Variants in LMCD1 observed in about 807,000 individuals in gnomAD.
LMCD1 encodes the protein LIM and cysteine rich domains 1, also known as LIM and cysteine-rich domains protein 1.
Under a neutral mutation model 42.7 loss-of-function variants are expected in LMCD1, and 32 were observed. That is an observed-to-expected ratio of 0.75 (90% CI 0.57 to 1.01). LMCD1 has a LOEUF of 1.01. Among genes scored for constraint, LMCD1 ranks in the 50% least tolerant of loss-of-function variants. The pLI is 0.00. For missense variants in LMCD1, 458 were observed against 483.1 expected (o/e 0.95, Z 0.49); for synonymous variants, 178 against 184.9 (o/e 0.96, Z 0.30).
chr3:8,550,488 C>G (rs1463591064), intron 4 of LMCD1: 3 of 985,052 alleles, frequency 3.0e-6, no homozygotes, highest in African/African-American at 1.8e-5. Flanking sequence ...GTCACTCAAG[C>G]TAATCATCCA....
rs1695250487 is a variant in LMCD1 at position 8,573,371 on chromosome 3, A to AT, written c.*5779dup. On this transcript the variant is annotated 3_prime_UTR_variant, in exon 6 of 6. Transcript: ENST00000157600. ...AACATATCCATTACCTCACATAGTT[A>AT]TTTTTTGTGGTGAGAACATTTTAAA... 1 of 152,178 alleles carries AT rather than the reference A, an allele frequency of 6.6e-6. No individual in the cohort carries two copies. The highest frequency in any genetic ancestry group is 6.5e-5 in the Admixed American group (1 of 15,280). 9.4% of individuals were successfully genotyped at this position (152,178 alleles called of 1,614,324 possible).
chr3:8,566,563 T>C (rs1032976835), intron 5 of LMCD1, among the ~76,000 whole-genome samples: 2 of 152,210 alleles, frequency 1.3e-5, no homozygotes, highest in African/African-American at 4.8e-5. Flanking sequence ...GACAACAGTA[T>C]ATGCACAATA....
intron 1 of LMCD1, among the ~76,000 whole-genome samples, chr3:8,519,121 C>CT (rs1694153318): frequency 6.6e-6 from 1 of 152,172 alleles, no homozygotes; most frequent in African/African-American, 2.4e-5. Flanking sequence ...TAAAGTGACC[C>CT]TGCCCTCATG....
chr3:8,565,613 A>G lies in LMCD1; in HGVS notation c.905A>G (p.Glu302Gly). Residue 302 changes from glutamate to glycine, a missense_variant, in exon 5 of 6, where the codon GAG becomes GGG. Physicochemically the swap from Glu to Gly is moderately conservative, Grantham distance 98 (BLOSUM62 -2). Coordinates refer to ENST00000157600, the MANE Select transcript of LMCD1 (RefSeq NM_014583.4). ...GAPWCGRHYC[E>G]SLRPRCSGCD... The stretch of plus-strand genomic sequence containing the variant: ...CCCTGGTGCGGCCGCCATTACTGCG[A>G]GAGTCTGCGGCCCCGGTGCTCCGGC... 1 of 1,611,418 alleles carries G rather than the reference A, an allele frequency of 6.2e-7. No homozygotes were observed. The highest frequency in any genetic ancestry group is 8.5e-7 in the Non-Finnish European group (1 of 1,179,024).
Position 8,568,026 on chromosome 3 carries a change from T to C in LMCD1, c.*428T>C, listed in dbSNP as rs1450483872. On this transcript the variant is annotated 3_prime_UTR_variant, in exon 6 of 6. Coordinates refer to ENST00000157600, the MANE Select transcript of LMCD1 (RefSeq NM_014583.4). The stretch of plus-strand genomic sequence containing the variant: ...CAGGAGCAGGCTGGGATCCCAACTA[T>C]CGCTTGTTGCCTCTTTTTCAAGTGG... 1 of 153,528 alleles carries C rather than the reference T, an allele frequency of 6.5e-6. No individual in the cohort carries two copies. The highest frequency in any genetic ancestry group is 1.4e-5 in the Non-Finnish European group (1 of 69,046). 9.5% of individuals were successfully genotyped at this position (153,528 alleles called of 1,614,324 possible). A position where few individuals can be genotyped will look rare whatever the true frequency, so the allele number is the denominator to read the frequency against.
At chr3:8,512,366 A>G (rs17049231) in intron 1 of LMCD1, among the ~76,000 whole-genome samples, 5,171 of 152,316 alleles carry the variant, frequency 0.034, 145 homozygotes, top group South Asian at 0.13. Context: ...AATGAAACAC[A>G]TATGGCTTGG....
chr3:8,561,376 A>C (rs1233730242), intron 4 of LMCD1, among the ~76,000 whole-genome samples: 1 of 136,974 alleles, frequency 7.3e-6, no homozygotes, highest in African/African-American at 3.0e-5. Context: ...ATAATTGAGC[A>C]CAGAGTTTTT....
At position 8,571,381 on chromosome 3, in the gene LMCD1, T is replaced by C. The variant is rs1211633252; in HGVS notation, c.*3783T>C. ...TTGCTGATGGCACTGTGTTCCAAAA[T>C]GGCCAAGGTCAAATATAAAAATTTC... is the stretch of plus-strand genomic sequence containing the variant. On this transcript the variant is annotated 3_prime_UTR_variant, in exon 6 of 6. Coordinates refer to ENST00000157600, the MANE Select transcript of LMCD1 (RefSeq NM_014583.4). 1.3e-5 allele frequency: 2 copies of C among 152,214 alleles called. No homozygotes were observed. Among genetic ancestry groups the C allele is most frequent in the African/African-American group, 4.8e-5 (2 of 41,456 alleles). 9.4% of individuals were successfully genotyped at this position (152,214 alleles called of 1,614,324 possible).
intron 1 of LMCD1, among the ~76,000 whole-genome samples, chr3:8,529,755 G>T (rs1694376024): frequency 6.6e-6 from 1 of 152,142 alleles, no homozygotes; most frequent in African/African-American, 2.4e-5. Flanking sequence ...TAGTTCCTCT[G>T]AAGTCCCCTA....
chr3:8,549,350 G>A (rs1195726391), intron 4 of LMCD1, among the ~76,000 whole-genome samples: 1 of 152,146 alleles, frequency 6.6e-6, no homozygotes. Flanking sequence ...ATTAAAAGAA[G>A]TCCCACGTGA....
chr3:8,506,139 G>A (rs555890311), intron 1 of LMCD1, among the ~76,000 whole-genome samples: 6 of 152,176 alleles, frequency 3.9e-5, no homozygotes, highest in Non-Finnish European at 7.3e-5. Flanking sequence ...CTGACTATGC[G>A]GAGTTGGGGG....
chr3:8,552,304 C>T (rs1694854931), intron 4 of LMCD1, among the ~76,000 whole-genome samples: 1 of 152,188 alleles, frequency 6.6e-6, no homozygotes, highest in East Asian at 1.9e-4. Flanking sequence ...TTTCCCAAAG[C>T]TTATTCCTGG....
chr3:8,511,468 A>G (rs1693998517), intron 1 of LMCD1, among the ~76,000 whole-genome samples: 1 of 152,244 alleles, frequency 6.6e-6, no homozygotes, highest in Non-Finnish European at 1.5e-5. Flanking sequence ...CAGTGCCTAA[A>G]GACCTTGATC....
chr3:8,502,643 G>A (rs1205878575), intron 1 of LMCD1, among the ~76,000 whole-genome samples: 3 of 150,030 alleles, frequency 2.0e-5, no homozygotes, highest in African/African-American at 7.4e-5. Context: ...GTTGGCAGTG[G>A]CAGCAGTTCC....
chr3:8,537,595 T>A, intron 3 of LMCD1, 155 bp downstream of exon 3: 1 of 799,576 alleles, frequency 1.3e-6, no homozygotes, highest in Non-Finnish European at 1.9e-6. Flanking sequence ...TTATATCATG[T>A]GATGTTGAGA....
intron 4 of LMCD1, among the ~76,000 whole-genome samples, chr3:8,549,220 G>A (rs938066167): frequency 6.6e-6 from 1 of 152,164 alleles, no homozygotes; most frequent in Non-Finnish European, 1.5e-5. Context: ...GCTGGTCTAC[G>A]AAGAATGTCT....
intron 1 of LMCD1, among the ~76,000 whole-genome samples, chr3:8,528,270 C>T (rs538646896): frequency 1.3e-5 from 2 of 152,168 alleles, no homozygotes; most frequent in Admixed American, 6.5e-5. Context: ...CTCACTGCAG[C>T]CTTAAACTGC....
At chr3:8,503,356 TGG>T (rs1372815167) in intron 1 of LMCD1, among the ~76,000 whole-genome samples, 1 of 152,218 alleles carries the variant, frequency 6.6e-6, no homozygotes, top group Non-Finnish European at 1.5e-5. Flanking sequence ...CTTCTAAATG[TGG>T]GTACCAAGTC....
intron 1 of LMCD1, among the ~76,000 whole-genome samples, chr3:8,511,401 T>C (rs1873944): frequency 0.46 from 70,204 of 152,078 alleles, 16,890 homozygotes; most frequent in Non-Finnish European, 0.52. Context: ...AAAGGAATTT[T>C]AAAATCTGAT....
Sources: allele counts gnomAD v4.1 joint callset (sites outside exome capture counted in the v4.1 genomes callset), GRCh38; gene constraint gnomAD v4.1.1; transcripts MANE v1.5; gene names NCBI Gene and HGNC (gene_info 2026-07-23, HGNC 2026-07-21).